MAGI2: variants seen among roughly 807,000 people sequenced by gnomAD.
MAGI2 encodes the protein membrane associated guanylate kinase, WW and PDZ domain containing 2, also known as membrane-associated guanylate kinase, WW and PDZ domain-containing protein 2.
MAGI2 carries 35 observed loss-of-function variants against 133.3 expected under a neutral mutation model. That is an observed-to-expected ratio of 0.26 (90% confidence interval 0.20 to 0.35). The LOEUF (loss-of-function observed/expected upper bound fraction) is 0.35. Ranked by LOEUF, MAGI2 falls within the 10% of genes least tolerant of loss-of-function variation. The probability of loss-of-function intolerance (pLI) is 1.00; values close to 1 mark genes in which losing one functional copy is unlikely to be tolerated. For missense variants in MAGI2, 1,636 were observed against 1,863.4 expected (o/e 0.88, Z 2.25); for synonymous variants, 729 against 710.6 (o/e 1.03, Z -0.41).
At chr7:78,994,853 C>T (rs1292831166) in intron 2 of MAGI2, among the ~76,000 whole-genome samples, 1 of 152,054 alleles carries the variant, frequency 6.6e-6, no homozygotes, top group Non-Finnish European at 1.5e-5. Context: ...ATTCTATCCC[C>T]ATCACCCCCA....
At chr7:78,849,609 T>C (rs1792956096) in intron 2 of MAGI2, among the ~76,000 whole-genome samples, 1 of 152,042 alleles carries the variant, frequency 6.6e-6, no homozygotes, top group Admixed American at 6.6e-5. Flanking sequence ...AGGTGTGTCA[T>C]ACTAGAGAGT....
intron 1 of MAGI2, among the ~76,000 whole-genome samples, chr7:79,039,859 A>ATG (rs1811480684): frequency 1.4e-5 from 2 of 144,756 alleles, no homozygotes; most frequent in African/African-American, 2.5e-5. Flanking sequence ...TATATATTAT[A>ATG]TATATATAAT....
intron 21 of MAGI2, among the ~76,000 whole-genome samples, chr7:78,069,523 T>C (rs60831881): frequency 2.7e-5 from 3 of 110,790 alleles, no homozygotes; most frequent in African/African-American, 1.1e-4. Flanking sequence ...GAGAGAGAGA[T>C]TGAAAGAAAG....
At chr7:79,351,550 A>G (rs1405103868) in intron 1 of MAGI2, among the ~76,000 whole-genome samples, 1 of 152,204 alleles carries the variant, frequency 6.6e-6, no homozygotes, top group African/African-American at 2.4e-5. Context: ...TTCCATAACT[A>G]CTACAGATGA....
At chr7:78,382,585 A>T (rs1026056452) in intron 6 of MAGI2, among the ~76,000 whole-genome samples, 1 of 152,042 alleles carries the variant, frequency 6.6e-6, no homozygotes, top group Non-Finnish European at 1.5e-5. Context: ...ATACACAAGA[A>T]ATTTTGTTAC....
At chr7:79,265,232 C>T (rs930585092) in intron 1 of MAGI2, among the ~76,000 whole-genome samples, 38 of 152,140 alleles carry the variant, frequency 2.5e-4, no homozygotes, top group African/African-American at 8.9e-4. Context: ...AGACTCCAGA[C>T]TTACTGAACC....
chr7:79,372,797 C>CA, intron 1 of MAGI2, among the ~76,000 whole-genome samples: 1 of 152,028 alleles, frequency 6.6e-6, no homozygotes, highest in Non-Finnish European at 1.5e-5. Context: ...AGTCAAGACT[C>CA]AAAGAAAATA....
intron 1 of MAGI2, among the ~76,000 whole-genome samples, chr7:79,062,253 A>T (rs546506447): frequency 6.6e-6 from 1 of 152,212 alleles, no homozygotes; most frequent in South Asian, 2.1e-4. Context: ...CAAGTCCACA[A>T]TTGCTTACAA....
intron 1 of MAGI2, among the ~76,000 whole-genome samples, chr7:79,191,656 A>G (rs1190886366): frequency 1.3e-5 from 2 of 151,284 alleles, no homozygotes; most frequent in African/African-American, 4.9e-5. Context: ...TTTTCCTTAC[A>G]AAAAGTTTCT....
intron 6 of MAGI2, among the ~76,000 whole-genome samples, chr7:78,379,769 GCATGGAA>G (rs1794753962): frequency 6.6e-6 from 1 of 151,874 alleles, no homozygotes; most frequent in African/African-American, 2.4e-5. Flanking sequence ...TCTCAAATAT[GCATGGAA>G]CACTCGCCAA....
At chr7:78,819,897 A>G (rs1435717929) in intron 2 of MAGI2, among the ~76,000 whole-genome samples, 1 of 152,048 alleles carries the variant, frequency 6.6e-6, no homozygotes, top group Non-Finnish European at 1.5e-5. Flanking sequence ...TTAAATAGCT[A>G]TTGACATGAA....
At chr7:78,191,093 A>G (rs1828166333) in intron 12 of MAGI2, among the ~76,000 whole-genome samples, 1 of 152,212 alleles carries the variant, frequency 6.6e-6, no homozygotes, top group Non-Finnish European at 1.5e-5. Flanking sequence ...ACTTAGGGTC[A>G]ATGTTTAAAT....
At chr7:78,789,082 A>G (rs1350002619) in intron 2 of MAGI2, among the ~76,000 whole-genome samples, 1 of 152,156 alleles carries the variant, frequency 6.6e-6, no homozygotes, top group Non-Finnish European at 1.5e-5. Context: ...ATAACAGTTC[A>G]CTTTACATAT....
intron 3 of MAGI2, among the ~76,000 whole-genome samples, chr7:78,587,255 AT>A (rs1803519736): frequency 6.6e-6 from 1 of 151,894 alleles, no homozygotes; most frequent in Non-Finnish European, 1.5e-5. Flanking sequence ...TCCTTTCCTT[AT>A]CCCCCCTTTT....
At chr7:79,214,393 CTCTCTCTCTCTCTCTATA>C (rs1374194382) in intron 1 of MAGI2, among the ~76,000 whole-genome samples, 56 of 91,748 alleles carry the variant, frequency 6.1e-4, no homozygotes, top group African/African-American at 2.2e-3. Context: ...CTCTCTCTCT[CTCTCTCTCTCTCTCTATA>C]TATATATATA....
intron 2 of MAGI2, among the ~76,000 whole-genome samples, chr7:78,673,386 A>C (rs1814623766): frequency 6.6e-6 from 1 of 152,010 alleles, no homozygotes; most frequent in South Asian, 2.1e-4. Flanking sequence ...GAGAGGTCTC[A>C]AGATCTGCAG....
chr7:79,275,027 C>T (rs1835136896), intron 1 of MAGI2, among the ~76,000 whole-genome samples: 2 of 152,050 alleles, frequency 1.3e-5, no homozygotes, highest in South Asian at 4.1e-4. Flanking sequence ...TTCCCTATTC[C>T]CTGAGACATG....
At chr7:78,099,367 T>A (rs71573372) in intron 20 of MAGI2, among the ~76,000 whole-genome samples, 3,831 of 152,268 alleles carry the variant, frequency 0.025, 58 homozygotes, top group Non-Finnish European at 0.036. Context: ...TCCCTTAAAT[T>A]ATACATTTTA....
chr7:79,013,645 A>G (rs570936282), intron 1 of MAGI2, among the ~76,000 whole-genome samples: 38 of 152,346 alleles, frequency 2.5e-4, no homozygotes, highest in African/African-American at 9.1e-4. Flanking sequence ...TATCTAATCT[A>G]GCCTGCCAGA....
Sources: allele counts gnomAD v4.1 joint callset (sites outside exome capture counted in the v4.1 genomes callset), GRCh38; gene constraint gnomAD v4.1.1; transcripts MANE v1.5; gene names NCBI Gene and HGNC (gene_info 2026-07-23, HGNC 2026-07-21).